The following ZNF512 variants were observed in gnomAD, a reference collection of about 807,000 sequenced individuals.
ZNF512 encodes the protein zinc finger protein 512.
A neutral mutation model predicts 77.5 loss-of-function variants in ZNF512; 25 were observed. The ratio of observed to expected loss-of-function variants is 0.32; its 90% confidence interval spans 0.23 to 0.45. The LOEUF (loss-of-function observed/expected upper bound fraction) is 0.45, where lower values mean the gene tolerates loss of function less well. ZNF512 is among the 20% of genes least tolerant of loss of function. The pLI, the probability that ZNF512 is intolerant of heterozygous loss-of-function variation, is 1.00. For missense variants in ZNF512, 483 were observed against 692.6 expected, an observed-to-expected ratio of 0.70 and a Z score of 3.40; for synonymous variants, 246 against 239.9, an observed-to-expected ratio of 1.03 and a Z score of -0.24.
At chr2:27,588,315 T>G (rs988781140) in intron 2 of ZNF512, among the ~76,000 whole-genome samples, 66 of 152,162 alleles carry the variant, frequency 4.3e-4, no homozygotes, top group African/African-American at 1.5e-3. Flanking sequence ...CAGAGCGAGA[T>G]TCCGTCTTAA....
chr2:27,588,300 G>C (rs141166961), intron 2 of ZNF512, among the ~76,000 whole-genome samples: 1,635 of 151,938 alleles, frequency 0.011, 29 homozygotes, highest in Non-Finnish European at 0.015. Context: ...CTCCAGCCTG[G>C]GCGACAGAGC....
intron 2 of ZNF512, among the ~76,000 whole-genome samples, chr2:27,597,167 A>G (rs1250769232): frequency 1.3e-5 from 2 of 152,180 alleles, no homozygotes; most frequent in Non-Finnish European, 2.9e-5. Context: ...AAACCTCTCT[A>G]TGTGTAATTC....
intron 2 of ZNF512, among the ~76,000 whole-genome samples, chr2:27,593,391 CA>C (rs572251742): frequency 0.14 from 10,469 of 76,710 alleles, 684 homozygotes; most frequent in African/African-American, 0.27. Context: ...GACCTTGTCT[CA>C]AAAAAAAAAA....
intron 10 of ZNF512, among the ~76,000 whole-genome samples, chr2:27,610,581 T>TATATATACACA (rs1558474954): frequency 1.9e-5 from 1 of 51,484 alleles, no homozygotes; most frequent in African/African-American, 9.5e-5. Flanking sequence ...TTTTTTTTTT[T>TATATATACACA]TTTTTTTTTT....
chr2:27,599,782 G>A, intron 4 of ZNF512, 104 bp downstream of exon 4: 1 of 1,208,140 alleles, frequency 8.3e-7, no homozygotes, highest in Non-Finnish European at 1.2e-6. Context: ...AGTGACCTCT[G>A]AGCCCTTTGA....
chr2:27,602,876 C>T (rs950234220), intron 8 of ZNF512, among the ~76,000 whole-genome samples: 5 of 151,996 alleles, frequency 3.3e-5, no homozygotes, highest in African/African-American at 7.3e-5. Flanking sequence ...GGATCACAGA[C>T]CAAGGAGAAA....
rs1558474954 is a variant in ZNF512 at position 27,610,581 on chromosome 2, T to TACACA, written c.1131+2542_1131+2543insACACA. ...ATATATATATATATTTTTTTTTTTTTTTTTTTTTTTTTTTTTTTTGAGACA... is the reference window on the plus strand; with the variant it reads ...ATATATATATATATTTTTTTTTTTTTACACATTTTTTTTTTTTTTTTTTTGAGACA... On this transcript the variant is annotated intron_variant, in intron 10 of 13. Transcript: ENST00000355467. Among the ~76,000 whole-genome samples, 66 of 51,466 alleles carry TACACA rather than the reference T, an allele frequency of 1.3e-3. 3 individuals carry two copies. Among genetic ancestry groups the TACACA allele is most frequent in the African/African-American group, 6.0e-3 (63 of 10,486 alleles). 33.8% of individuals were successfully genotyped at this position (51,466 alleles called of 152,430 possible).
chr2:27,586,274 G>C (rs1363633799), intron 2 of ZNF512, among the ~76,000 whole-genome samples: 1 of 151,880 alleles, frequency 6.6e-6, no homozygotes, highest in Non-Finnish European at 1.5e-5. Context: ...CTGTCGCCTA[G>C]GCTGGAGTGC....
chr2:27,598,030 A>G, intron 2 of ZNF512, 37 bp from the exon 3 acceptor site: 1 of 1,477,692 alleles, frequency 6.8e-7, no homozygotes, highest in Non-Finnish European at 9.1e-7. Flanking sequence ...TTTGCTCCAG[A>G]CCTTCCTTTG....
intron 4 of ZNF512, 137 bp from the exon 5 acceptor site, chr2:27,599,833 C>G: frequency 8.5e-7 from 1 of 1,181,356 alleles, no homozygotes; most frequent in Non-Finnish European, 1.2e-6. Context: ...CCTCATTATA[C>G]CCTTTCATTC....
intron 1 of ZNF512, 188 bp downstream of exon 1, chr2:27,583,330 G>A (rs1242975554): frequency 1.0e-5 from 13 of 1,267,442 alleles, no homozygotes; most frequent in African/African-American, 1.5e-5. Flanking sequence ...CACCTCCTTG[G>A]ATTTAATTCC....
chr2:27,602,351 T>C (rs779582012), intron 7 of ZNF512, 112 bp from the exon 8 acceptor site: 13 of 1,012,354 alleles, frequency 1.3e-5, no homozygotes, highest in Admixed American at 2.8e-5. Context: ...TTGGGCTTCA[T>C]TGGCACCAGC....
chr2:27,600,201 T>C, intron 5 of ZNF512, 148 bp downstream of exon 5: 1 of 869,810 alleles, frequency 1.1e-6, no homozygotes, highest in Non-Finnish European at 1.8e-6. Flanking sequence ...AGACCTTTGC[T>C]CAAGTTTTGG....
chr2:27,588,274 A>T (rs1384041308), intron 2 of ZNF512, among the ~76,000 whole-genome samples: 1 of 152,070 alleles, frequency 6.6e-6, no homozygotes, highest in Non-Finnish European at 1.5e-5. Flanking sequence ...TAGCGAGTCA[A>T]GGTGGTGCCA....
rs1347652794 is a variant in ZNF512 at position 27,621,927 on chromosome 2, C to CT, written c.*467dup. On this transcript the variant is annotated 3_prime_UTR_variant, in exon 14 of 14. Transcript: ENST00000355467. ...GATATAACAAGTCTAGAAGTTAGAA[C>CT]TGTTGTCATTCACATAATAAGATTA... 7.5e-5 allele frequency: 12 copies of CT among 159,432 alleles called. No individual in the cohort carries two copies. The highest frequency in any genetic ancestry group is 2.9e-4 in the African/African-American group (12 of 41,456). The allele number at this position is 159,432 out of a possible 1,614,324, so 9.9% of individuals were successfully genotyped here. A position where few individuals can be genotyped will look rare whatever the true frequency, so the allele number is the denominator to read the frequency against.
intron 2 of ZNF512, among the ~76,000 whole-genome samples, chr2:27,590,688 A>G (rs188820812): frequency 6.6e-6 from 1 of 151,832 alleles, no homozygotes; most frequent in Non-Finnish European, 1.5e-5. Context: ...TTTTTAAGAG[A>G]CAGTGTCTTG....
At chr2:27,583,428 C>T (rs1572898930) in intron 1 of ZNF512, 1 of 1,443,640 alleles carries the variant, frequency 6.9e-7, no homozygotes, top group African/African-American at 1.4e-5. Context: ...CCTTTTAGAG[C>T]CTGGGACAGG....
intron 2 of ZNF512, among the ~76,000 whole-genome samples, chr2:27,590,897 A>G (rs1237283405): frequency 6.6e-6 from 1 of 152,110 alleles, no homozygotes; most frequent in East Asian, 1.9e-4. Context: ...AGCTGGAATC[A>G]TTTGTTTTAG....
At chr2:27,610,565 T>TATATATATATAC (rs1672601257) in intron 10 of ZNF512, among the ~76,000 whole-genome samples, 1 of 34,388 alleles carries the variant, frequency 2.9e-5, no homozygotes, top group African/African-American at 1.1e-4. Context: ...TATATATATA[T>TATATATATATAC]ATATTTTTTT....
Sources: gnomAD v4.1 joint callset for allele counts (sites outside exome capture counted in the v4.1 genomes callset) on GRCh38, gnomAD v4.1.1 for gene constraint, MANE v1.5 for transcripts, NCBI Gene and HGNC (gene_info 2026-07-23, HGNC 2026-07-21) for gene names.